ATP6V1H: variants seen among roughly 807,000 people sequenced by gnomAD.
ATP6V1H encodes V-type proton ATPase subunit H.
Under a neutral mutation model 71.7 loss-of-function variants are expected in ATP6V1H, and 39 were observed. That is an observed-to-expected ratio of 0.54 (90% CI 0.42 to 0.71). The LOEUF (loss-of-function observed/expected upper bound fraction) is 0.71, where lower values mean the gene tolerates loss of function less well. ATP6V1H is among the 30% of genes least tolerant of loss of function. The probability of loss-of-function intolerance (pLI) is 0.00; values close to 1 mark genes in which losing one functional copy is unlikely to be tolerated. For synonymous variants in ATP6V1H, 192 were observed against 199.3 expected, an observed-to-expected ratio of 0.96 and a Z score of 0.31; for missense variants, 509 against 594.9, an observed-to-expected ratio of 0.86 and a Z score of 1.50.
chr8:53,785,329 T>A (rs902370012), intron 9 of ATP6V1H, among the ~76,000 whole-genome samples: 1 of 152,250 alleles, frequency 6.6e-6, no homozygotes, highest in African/African-American at 2.4e-5. Flanking sequence ...GTTGATCACA[T>A]TGACTACTGA....
Position 53,772,183 on chromosome 8 carries a change from TG to T in ATP6V1H, c.871-17del. ...CTAAAAAGTTCTGGGTTAGACAAAG[TG>T]ATAGTGAGAAACTATACAATTTGTC... is the stretch of plus-strand genomic sequence containing the variant. On this transcript the variant is annotated splice_polypyrimidine_tract_variant and intron_variant, in intron 9 of 13. Coordinates refer to ENST00000359530, the MANE Select transcript of ATP6V1H (RefSeq NM_015941.4). The T allele has an allele frequency of 6.3e-7, 1 of 1,589,752 alleles. No homozygotes were observed. The highest frequency in any genetic ancestry group is 8.6e-7 in the Non-Finnish European group (1 of 1,164,624).
At chr8:53,779,533 A>G (rs555896652) in intron 9 of ATP6V1H, among the ~76,000 whole-genome samples, 3 of 150,900 alleles carry the variant, frequency 2.0e-5, no homozygotes, top group African/African-American at 7.3e-5. Context: ...CAGATTATTT[A>G]TAATTCTTCT....
intron 4 of ATP6V1H, among the ~76,000 whole-genome samples, chr8:53,823,144 A>G (rs1469146486): frequency 6.6e-6 from 1 of 152,174 alleles, no homozygotes; most frequent in East Asian, 1.9e-4. Flanking sequence ...TAATCAATAA[A>G]GTAGATCTGA....
intron 11 of ATP6V1H, among the ~76,000 whole-genome samples, chr8:53,762,640 A>C (rs1315068507): frequency 6.6e-6 from 1 of 152,226 alleles, no homozygotes; most frequent in African/African-American, 2.4e-5. Flanking sequence ...AGATGATGGA[A>C]TAGAACAAAG....
At chr8:53,830,272 C>G (rs1322505488) in intron 3 of ATP6V1H, among the ~76,000 whole-genome samples, 1 of 152,150 alleles carries the variant, frequency 6.6e-6, no homozygotes, top group Non-Finnish European at 1.5e-5. Flanking sequence ...AAAAACTTCC[C>G]CACCTTAAGG....
chr8:53,723,204 T>A (rs973190658), intron 13 of ATP6V1H, among the ~76,000 whole-genome samples: 4 of 152,202 alleles, frequency 2.6e-5, no homozygotes, highest in Non-Finnish European at 5.9e-5. Context: ...TGTGTGATTT[T>A]GTTTGGTAAC....
intron 9 of ATP6V1H, among the ~76,000 whole-genome samples, chr8:53,785,659 C>G (rs1393546590): frequency 6.6e-6 from 1 of 152,164 alleles, no homozygotes; most frequent in Non-Finnish European, 1.5e-5. Context: ...TTTTCCCCAT[C>G]TTTGTGGTTT....
chr8:53,788,419 T>C (rs1787188226), intron 9 of ATP6V1H, among the ~76,000 whole-genome samples: 3 of 152,156 alleles, frequency 2.0e-5, no homozygotes, highest in African/African-American at 7.2e-5. Context: ...ATTCATGCTG[T>C]CTCTTTTAAA....
At chr8:53,756,069 C>CTTTTTTTTT (rs199967847) in intron 12 of ATP6V1H, among the ~76,000 whole-genome samples, 1 of 96,578 alleles carries the variant, frequency 1.0e-5, no homozygotes, top group Non-Finnish European at 2.0e-5. Flanking sequence ...TTTTTCTTTT[C>CTTTTTTTTT]TTTTTTTTTT....
rs1258608222 is a variant in ATP6V1H at position 53,782,122 on chromosome 8, T to C, written c.871-9955A>G. Reference sequence around the variant, plus strand: ...TGGGGATGGCACTGAATCTATAAATTACCTTGGGCAGTATGGCCATTTTCA... The same window carrying C: ...TGGGGATGGCACTGAATCTATAAATCACCTTGGGCAGTATGGCCATTTTCA... On this transcript the variant is annotated intron_variant, in intron 9 of 13. Transcript: ENST00000359530. Among the ~76,000 whole-genome samples the C allele has an allele frequency of 4.6e-5, 7 of 152,354 alleles. No homozygotes were observed. In the East Asian group the frequency reaches 5.8e-4, roughly 13 times the overall value.
chr8:53,720,220 C>CTT (rs1436332774), intron 13 of ATP6V1H, among the ~76,000 whole-genome samples: 3 of 152,146 alleles, frequency 2.0e-5, no homozygotes, highest in Non-Finnish European at 4.4e-5. Context: ...TTTTTCTTCT[C>CTT]TTTAACTTCA....
intron 11 of ATP6V1H, among the ~76,000 whole-genome samples, chr8:53,768,953 A>C (rs1019359812): frequency 6.6e-6 from 1 of 152,190 alleles, no homozygotes; most frequent in Non-Finnish European, 1.5e-5. Context: ...AAAAGAAAGA[A>C]ACCTACACAT....
At chr8:53,776,078 C>T (rs530571238) in intron 9 of ATP6V1H, among the ~76,000 whole-genome samples, 34 of 152,322 alleles carry the variant, frequency 2.2e-4, no homozygotes, top group African/African-American at 6.7e-4. Context: ...AGAAATCGAG[C>T]GCAGCGCCGG....
intron 13 of ATP6V1H, among the ~76,000 whole-genome samples, chr8:53,733,295 G>A (rs527435845): frequency 6.6e-5 from 10 of 152,284 alleles, no homozygotes; most frequent in East Asian, 1.9e-4. Flanking sequence ...GGGAAGATCC[G>A]GGGTCAGGTG....
chr8:53,732,733 C>T (rs1311148470), intron 13 of ATP6V1H, among the ~76,000 whole-genome samples: 1 of 151,916 alleles, frequency 6.6e-6, no homozygotes, highest in Admixed American at 6.5e-5. Context: ...GAAGAAATCC[C>T]AGAAACAACA....
At chr8:53,838,115 T>A (rs552120751) in intron 2 of ATP6V1H, among the ~76,000 whole-genome samples, 1 of 132,766 alleles carries the variant, frequency 7.5e-6, no homozygotes, top group Non-Finnish European at 1.5e-5. Context: ...CCTGGACAAC[T>A]CCTGTTACTG....
intron 13 of ATP6V1H, among the ~76,000 whole-genome samples, chr8:53,719,109 C>A (rs1024717418): frequency 2.0e-5 from 3 of 152,174 alleles, no homozygotes; most frequent in Non-Finnish European, 2.9e-5. Flanking sequence ...ATTAAAAACA[C>A]CTAACCTATA....
At chr8:53,818,658 C>G (rs1461844068) in intron 4 of ATP6V1H, among the ~76,000 whole-genome samples, 1 of 152,146 alleles carries the variant, frequency 6.6e-6, no homozygotes, top group African/African-American at 2.4e-5. Flanking sequence ...TCTTTCCGGT[C>G]AGGTACACTT....
chr8:53,814,509 C>T (rs1810385278), intron 6 of ATP6V1H, among the ~76,000 whole-genome samples, 153 bp downstream of exon 6: 1 of 152,138 alleles, frequency 6.6e-6, no homozygotes, highest in South Asian at 2.1e-4. Flanking sequence ...AAGCACACTA[C>T]CATATCTGAG....
Sources: gnomAD v4.1 joint callset for allele counts (sites outside exome capture counted in the v4.1 genomes callset) on GRCh38, gnomAD v4.1.1 for gene constraint, MANE v1.5 for transcripts, NCBI Gene and HGNC (gene_info 2026-07-23, HGNC 2026-07-21) for gene names.